Variants in ZNF556 observed in about 807,000 individuals in gnomAD.
ZNF556 encodes the protein zinc finger protein 556.
ZNF556 carries 11 observed loss-of-function variants against 13.6 expected under a neutral mutation model. That is an observed-to-expected ratio of 0.81 (90% CI 0.51 to 1.33). The LOEUF is 1.33. ZNF556 is among the 40% of genes most tolerant of loss of function. The pLI, the probability that ZNF556 is intolerant of heterozygous loss-of-function variation, is 0.00. For synonymous variants in ZNF556, 229 were observed against 207.8 expected (o/e 1.10, Z -0.88); for missense variants, 633 against 566.2 (o/e 1.12, Z -1.20).
chr19:2,876,042 C>G, intron 2 of ZNF556, 51 bp from the exon 3 acceptor site: 1 of 1,497,594 alleles, frequency 6.7e-7, no homozygotes. Flanking sequence ...TGAATTACTT[C>G]TTTCTTTGCA....
chr19:2,873,578 A>G lies in ZNF556; in HGVS notation c.86A>G (p.Tyr29Cys). The G allele has an allele frequency of 1.9e-6, 3 of 1,614,172 alleles. No individual in the cohort carries two copies. Among genetic ancestry groups the G allele is most frequent in the South Asian group, 1.1e-5 (1 of 91,086 alleles). Reference protein sequence around the residue: ...ALLNPAQRKLYRDVMLETFKH... With the variant: ...ALLNPAQRKLCRDVMLETFKH... Reference sequence around the variant, plus strand: ...CTGAATCCTGCTCAGAGAAAACTCTACAGAGATGTCATGCTGGAGACCTTC... The same window carrying G: ...CTGAATCCTGCTCAGAGAAAACTCTGCAGAGATGTCATGCTGGAGACCTTC... The change falls in exon 2 of 4, where the codon TAC (tyrosine) becomes TGC (cysteine). Residue 29 changes from tyrosine (Y) to cysteine (C), a missense_variant. By Grantham distance (194) the Tyr-to-Cys change is radical. Coordinates refer to ENST00000307635, the MANE Select transcript of ZNF556 (RefSeq NM_024967.3).
intron 2 of ZNF556, among the ~76,000 whole-genome samples, chr19:2,874,372 G>C (rs1446107270): frequency 1.3e-5 from 2 of 152,086 alleles, no homozygotes; most frequent in African/African-American, 4.8e-5. Context: ...TTGATGTCCT[G>C]GACCTAAAAT....
Position 2,879,588 on chromosome 19 carries a change from C to T in ZNF556, c.*1259C>T, listed in dbSNP as rs558895350. The stretch of plus-strand genomic sequence containing the variant: ...TGGTCTCAAACTCCTGAAATCTGCC[C>T]GCCTTGGCCTCCCAAAGTGCTGGGA... On this transcript the variant is annotated 3_prime_UTR_variant, in exon 4 of 4. Coordinates refer to ENST00000307635, the MANE Select transcript of ZNF556 (RefSeq NM_024967.3). 8 of 152,034 alleles carry T rather than the reference C, an allele frequency of 5.3e-5. No individual in the cohort carries two copies. Among genetic ancestry groups the T allele is most frequent in the South Asian group, 4.2e-4 (2 of 4,790 alleles). The allele number at this position is 152,034 out of a possible 1,614,324, so 9.4% of individuals were successfully genotyped here.
rs747503044 is a variant in ZNF556, at chr19:2,876,198, T to C, written c.236T>C (p.Ile79Thr). ...ATAGAAAAGTTCACAAGAAAGAATA[T>C]ATGGGCCTCCCTTTTAGGAAAAAAT... is the stretch of plus-strand genomic sequence containing the variant. Reference protein sequence around the residue: ...QKIEKFTRKNIWASLLGKNWE... With the variant: ...QKIEKFTRKNTWASLLGKNWE... The change falls in exon 3 of 4, where the codon ATA becomes ACA. Residue 79 changes from isoleucine (I) to threonine (T), a missense_variant. Ile to Thr is a moderately conservative substitution (Grantham distance 89). Coordinates refer to ENST00000307635, the MANE Select transcript of ZNF556 (RefSeq NM_024967.3). The C allele has an allele frequency of 5.0e-6, 8 of 1,611,590 alleles. No homozygotes were observed. The highest frequency in any genetic ancestry group is 4.4e-5 in the South Asian group (4 of 90,322).
chr19:2,878,385 G>A lies in ZNF556; in HGVS notation c.*56G>A. ...TACATGGTTCAGAAAATTCACAGCA[G>A]GAGGGCCGGGCGCAGTGGCTCACGC... is the stretch of plus-strand genomic sequence containing the variant. On this transcript the variant is annotated 3_prime_UTR_variant, in exon 4 of 4. Coordinates refer to ENST00000307635, the MANE Select transcript of ZNF556 (RefSeq NM_024967.3). The A allele has an allele frequency of 6.4e-7, 1 of 1,565,274 alleles. No individual in the cohort carries two copies. The highest frequency in any genetic ancestry group is 1.2e-5 in the South Asian group (1 of 82,946).
rs1272269372 is a variant in ZNF556 at position 2,881,351 on chromosome 19, G to T, written c.*3022G>T. 6.6e-6 allele frequency: 1 copy of T among 152,138 alleles called. No homozygotes were observed. The allele number at this position is 152,138 out of a possible 1,614,324, so 9.4% of individuals were successfully genotyped here. On this transcript the variant is annotated 3_prime_UTR_variant, in exon 4 of 4. Transcript: ENST00000307635. ...ACCCACCGAGGCGGGTGGATCACCT[G>T]ATGTGAGGAGTTCGAGACCACGCTG...
chr19:2,878,302 A>C lies in ZNF556; in HGVS notation c.1344A>C (p.Thr448=). 1 of 1,613,976 alleles carries C rather than the reference A, an allele frequency of 6.2e-7. No homozygotes were observed. Among genetic ancestry groups the C allele is most frequent in the Non-Finnish European group, 8.5e-7 (1 of 1,179,968 alleles). Residue 448 remains threonine (T), a synonymous_variant, in exon 4 of 4, where the codon ACA becomes ACC. Coordinates refer to ENST00000307635, the MANE Select transcript of ZNF556 (RefSeq NM_024967.3). ...KAFQGHVRSH[T]GKKSCTSK ...TTCAAGGTCATGTGAGAAGTCACAC[A>C]GGAAAGAAATCCTGTACATCTAAGT...
chr19:2,870,458 A>C (rs11673005), intron 1 of ZNF556, among the ~76,000 whole-genome samples: 41,681 of 143,530 alleles, frequency 0.29, 7,285 homozygotes, highest in East Asian at 0.68. Context: ...TCTCTAAAAA[A>C]TTTTCTGGCC....
chr19:2,878,525 A>C lies in ZNF556; in HGVS notation c.*196A>C. The C allele has an allele frequency of 1.5e-5, 7 of 463,766 alleles. No individual in the cohort carries two copies. The highest frequency in any genetic ancestry group is 4.0e-5 in the Admixed American group (1 of 25,042). The allele number at this position is 463,766 out of a possible 1,614,324, so 28.7% of individuals were successfully genotyped here. A position where few individuals can be genotyped will look rare whatever the true frequency, so the allele number is the denominator to read the frequency against. On this transcript the variant is annotated 3_prime_UTR_variant, in exon 4 of 4. Transcript: ENST00000307635. ...TACTAAAAAAAAAAAAAATACAAAA[A>C]ATTAGCCGGGCGTGGTGGCGGGCAC...
rs1191331488 is a variant in ZNF556, at chr19:2,882,341, T to C, written c.*4012T>C. The C allele has an allele frequency of 6.6e-6, 1 of 150,856 alleles. No homozygotes were observed. The highest frequency in any genetic ancestry group is 1.5e-5 in the Non-Finnish European group (1 of 67,796). The allele number at this position is 150,856 out of a possible 1,614,324, so 9.3% of individuals were successfully genotyped here. On this transcript the variant is annotated 3_prime_UTR_variant, in exon 4 of 4. Transcript: ENST00000307635. ...TACTCGGGAGGCTGAGGCAGGAGAA[T>C]GGCGTGAACCCAGGAGGCGGAACTT...
chr19:2,876,119 G>A lies in ZNF556; in HGVS notation c.157G>A (p.Gly53Arg), dbSNP rs1239085580. 3 of 1,610,288 alleles carry A rather than the reference G, an allele frequency of 1.9e-6. No individual in the cohort carries two copies. Among genetic ancestry groups the A allele is most frequent in the East Asian group, 2.2e-5 (1 of 44,700 alleles). Residue 53 changes from glycine to arginine, a missense_variant, in exon 3 of 4, where the codon GGG (glycine) becomes AGG (arginine). By Grantham distance (125) the Gly-to-Arg change is moderately radical. Coordinates refer to ENST00000307635, the MANE Select transcript of ZNF556 (RefSeq NM_024967.3). ...VDNEAQLKAS[G>R]SISQQDTSGE... ...TAATGAGGCTCAGCTTAAAGCCAGT[G>A]GGTCTATTTCTCAGCAGGATACTTC...
chr19:2,876,406 A>G (rs2087852490), intron 3 of ZNF556, 130 bp downstream of exon 3: 2 of 888,694 alleles, frequency 2.3e-6, no homozygotes, highest in Non-Finnish European at 3.3e-6. Flanking sequence ...CCTGACCCAT[A>G]TGGTGAAACC....
rs776809876 is a variant in ZNF556 at position 2,867,442 on chromosome 19, G to A, written c.3+18G>A. 1.3e-6 allele frequency: 2 copies of A among 1,583,248 alleles called. No homozygotes were observed. The highest frequency in any genetic ancestry group is 4.6e-5 in the East Asian group (2 of 43,916). ...AGGACATGGTGAGTGCAGGGCAGGA[G>A]CCGAGCCGGAGCCGGAGCCCTGGGA... On this transcript the variant is annotated intron_variant, in intron 1 of 3. Transcript: ENST00000307635.
intron 1 of ZNF556, among the ~76,000 whole-genome samples, chr19:2,868,268 T>C (rs1239500106): frequency 1.1e-4 from 17 of 152,192 alleles, no homozygotes; most frequent in Admixed American, 9.2e-4. Flanking sequence ...TCTTTTATTA[T>C]GACACGCCCC....
rs186421243 is a variant in ZNF556 at position 2,880,380 on chromosome 19, G to A, written c.*2051G>A. The A allele has an allele frequency of 4.7e-4, 72 of 152,300 alleles. No individual in the cohort carries two copies. The highest frequency in any genetic ancestry group is 1.6e-3 in the African/African-American group (68 of 41,562). The allele number at this position is 152,300 out of a possible 1,614,324, so 9.4% of individuals were successfully genotyped here. A position where few individuals can be genotyped will look rare whatever the true frequency, so the allele number is the denominator to read the frequency against. On this transcript the variant is annotated 3_prime_UTR_variant, in exon 4 of 4. Transcript: ENST00000307635. ...CTATTTAACTGAGTTTTTCAAATAAGTTGTATACTAACAAATGTCAATCTC... is the reference window on the plus strand; with the variant it reads ...CTATTTAACTGAGTTTTTCAAATAAATTGTATACTAACAAATGTCAATCTC...
Position 2,872,279 on chromosome 19 carries a change from T to C in ZNF556, c.4-1217T>C, listed in dbSNP as rs139165971. On this transcript the variant is annotated intron_variant, in intron 1 of 3. Coordinates refer to ENST00000307635, the MANE Select transcript of ZNF556 (RefSeq NM_024967.3). ...TCCTGGTCTGCTAAGTAGCGGGTGT[T>C]TTTCCTTGACACTTACGCTACCGCT... Among the ~76,000 whole-genome samples, 71 of 151,834 alleles carry C rather than the reference T, an allele frequency of 4.7e-4. 1 individual carries two copies. In the East Asian group the frequency reaches 8.9e-3, roughly 19 times the overall value.
chr19:2,877,580 T>C lies in ZNF556; in HGVS notation c.622T>C (p.Cys208Arg). The C allele has an allele frequency of 6.2e-7, 1 of 1,614,220 alleles. No individual in the cohort carries two copies. The highest frequency in any genetic ancestry group is 8.5e-7 in the Non-Finnish European group (1 of 1,180,042). The change falls in exon 4 of 4, where the codon TGC (cysteine) becomes CGC (arginine). Residue 208 changes from cysteine to arginine, a missense_variant. By Grantham distance (180) the Cys-to-Arg change is radical. Coordinates refer to ENST00000307635, the MANE Select transcript of ZNF556 (RefSeq NM_024967.3). ...SGEKPYACQS[C>R]GKTFLRSHSL... ...AGAGAAACCCTATGCCTGTCAATCT[T>C]GCGGGAAGACATTTCTTCGTTCCCA...
At chr19:2,867,859 C>T (rs1412468582) in intron 1 of ZNF556, among the ~76,000 whole-genome samples, 7 of 152,132 alleles carry the variant, frequency 4.6e-5, no homozygotes, top group Non-Finnish European at 1.0e-4. Context: ...GGGCGCTCCA[C>T]GTGGCGGCAC....
Position 2,877,492 on chromosome 19 carries a change from G to A in ZNF556, c.534G>A (p.Lys178=). Residue 178 remains lysine (K), a synonymous_variant, in exon 4 of 4, where the codon AAG becomes AAA. Coordinates refer to ENST00000307635, the MANE Select transcript of ZNF556 (RefSeq NM_024967.3). ...CTGGACAAAAATTATATAAATGTAA[G>A]GAATGTGGGAAAGCCTTCAGTCGCC... ...AHSGQKLYKC[K]ECGKAFSRPS... is the part of the protein sequence containing the mutation. 1 of 1,614,172 alleles carries A rather than the reference G, an allele frequency of 6.2e-7. No homozygotes were observed. Among genetic ancestry groups the A allele is most frequent in the Non-Finnish European group, 8.5e-7 (1 of 1,180,028 alleles).
Sources: gnomAD v4.1 joint callset for allele counts (sites outside exome capture counted in the v4.1 genomes callset) on GRCh38, gnomAD v4.1.1 for gene constraint, MANE v1.5 for transcripts, NCBI Gene and HGNC (gene_info 2026-07-23, HGNC 2026-07-21) for gene names.